ZNF254: variants seen among roughly 807,000 people sequenced by gnomAD.
The protein encoded by ZNF254 is CTD-2017D11.1.
A neutral mutation model predicts 12.4 loss-of-function variants in ZNF254; 10 were observed. That is an observed-to-expected ratio of 0.80 (90% CI 0.50 to 1.36). ZNF254 has a LOEUF of 1.36. Ranked by LOEUF, ZNF254 falls within the 40% of genes most tolerant of loss-of-function variation. The pLI is 0.00. For missense variants in ZNF254, 996 were observed against 763.9 expected, an observed-to-expected ratio of 1.30 and a Z score of -3.58; for synonymous variants, 305 against 253.4, an observed-to-expected ratio of 1.20 and a Z score of -1.93.
intron 2 of ZNF254, among the ~76,000 whole-genome samples, chr19:24,049,184 T>TTATATATATA (rs1159690517): frequency 3.8e-4 from 24 of 63,160 alleles, no homozygotes; most frequent in East Asian, 1.9e-3. Context: ...GGCTCTGGTT[T>TTATATATATA]TATATATATA....
chr19:24,049,198 A>ATTT (rs1568426332), intron 2 of ZNF254, among the ~76,000 whole-genome samples: 1 of 61,208 alleles, frequency 1.6e-5, no homozygotes, highest in African/African-American at 7.9e-5. Context: ...ATATATATAT[A>ATTT]TATATATATA....
chr19:24,108,499 G>A (rs1272510458), intron 3 of ZNF254, among the ~76,000 whole-genome samples: 10 of 152,104 alleles, frequency 6.6e-5, no homozygotes, highest in Admixed American at 6.6e-4. Flanking sequence ...TTCTTTTAAA[G>A]GCATTTATTT....
chr19:24,115,827 C>G (rs974833131), intron 3 of ZNF254, among the ~76,000 whole-genome samples: 3 of 152,258 alleles, frequency 2.0e-5, no homozygotes, highest in Middle Eastern at 3.4e-3. Flanking sequence ...TTTGCAGTGG[C>G]TGGTACCGGT....
chr19:24,033,840 C>G (rs368993556), intron 1 of ZNF254, among the ~76,000 whole-genome samples: 117 of 152,358 alleles, frequency 7.7e-4, no homozygotes, highest in African/African-American at 2.6e-3. Flanking sequence ...CTGGGCAGCT[C>G]TGCATGCAGC....
At chr19:24,086,908 C>T (rs78310782), upstream of ZNF254, among the ~76,000 whole-genome samples, 53 of 152,308 alleles carry the variant, frequency 3.5e-4, no homozygotes, top group African/African-American at 1.2e-3. Flanking sequence ...TGTTTGTTCA[C>T]ATTTTGAATA....
At chr19:24,042,996 C>T (rs919376236) in intron 1 of ZNF254, among the ~76,000 whole-genome samples, 2 of 151,928 alleles carry the variant, frequency 1.3e-5, no homozygotes, top group African/African-American at 4.8e-5. Flanking sequence ...AACTCTGTTT[C>T]TTTTTCTTTT....
intron 2 of ZNF254, chr19:24,106,301 A>G (rs188175791): frequency 5.1e-6 from 3 of 584,540 alleles, no homozygotes; most frequent in Non-Finnish European, 5.2e-6. Flanking sequence ...GTTTAGTGGC[A>G]TAAAATATTG....
upstream of ZNF254, among the ~76,000 whole-genome samples, chr19:24,085,489 C>T (rs765039533): frequency 7.7e-6 from 1 of 130,550 alleles, no homozygotes; most frequent in Non-Finnish European, 1.6e-5. Context: ...AAAGGCCAGG[C>T]GCAGTGGGTC....
chr19:24,076,028 G>T (rs1971644713), intron 2 of ZNF254, among the ~76,000 whole-genome samples: 1 of 152,198 alleles, frequency 6.6e-6, no homozygotes, highest in South Asian at 2.1e-4. Flanking sequence ...CACTGTTATT[G>T]TGTTCTTTTA....
At chr19:24,085,426 A>ATATAT (rs369443689), upstream of ZNF254, among the ~76,000 whole-genome samples, 1 of 105,650 alleles carries the variant, frequency 9.5e-6, no homozygotes, top group Non-Finnish European at 1.9e-5. Flanking sequence ...ATATATATAT[A>ATATAT]AAAACTAAGA....
intron 3 of ZNF254, among the ~76,000 whole-genome samples, chr19:24,111,200 G>C (rs1336197877): frequency 6.8e-6 from 1 of 147,364 alleles, no homozygotes; most frequent in African/African-American, 2.5e-5. Flanking sequence ...AGAATATGCA[G>C]TGTTTGGTTT....
intron 1 of ZNF254, among the ~76,000 whole-genome samples, chr19:24,102,151 T>C (rs909429044): frequency 6.6e-6 from 1 of 152,190 alleles, no homozygotes; most frequent in South Asian, 2.1e-4. Flanking sequence ...TGCAAAAATA[T>C]GGGCTTTATT....
intron 1 of ZNF254, among the ~76,000 whole-genome samples, chr19:24,045,184 C>A (rs1599579641): frequency 1.3e-5 from 2 of 152,300 alleles, no homozygotes; most frequent in South Asian, 4.1e-4. Context: ...GCAAGCTGTA[C>A]CAGCAGCTCC....
At chr19:24,075,807 C>T (rs966230292) in intron 2 of ZNF254, among the ~76,000 whole-genome samples, 3 of 152,192 alleles carry the variant, frequency 2.0e-5, no homozygotes, top group Non-Finnish European at 2.9e-5. Flanking sequence ...TGTATTTTAT[C>T]CCTTATCTTC....
intron 1 of ZNF254, among the ~76,000 whole-genome samples, chr19:24,040,188 C>T (rs575218662): frequency 2.4e-4 from 37 of 152,260 alleles, no homozygotes; most frequent in Non-Finnish European, 4.6e-4. Flanking sequence ...CCTCACAGAA[C>T]TAATTAGAAC....
intron 2 of ZNF254, among the ~76,000 whole-genome samples, chr19:24,061,765 T>C (rs1971077442): frequency 6.6e-6 from 1 of 151,784 alleles, no homozygotes; most frequent in Non-Finnish European, 1.5e-5. Context: ...AGACACTGTC[T>C]CTCACAGGTA....
chr19:24,093,395 A>G (rs946295158), intron 1 of ZNF254, among the ~76,000 whole-genome samples: 2 of 151,998 alleles, frequency 1.3e-5, no homozygotes, highest in African/African-American at 2.4e-5. Context: ...GACATTTCCT[A>G]AGTTATCTTC....
chr19:24,068,825 T>C (rs1457347965), intron 2 of ZNF254, among the ~76,000 whole-genome samples: 3 of 152,192 alleles, frequency 2.0e-5, no homozygotes, highest in Admixed American at 6.5e-5. Flanking sequence ...TCTTATACCT[T>C]GAACCAGGCA....
intron 2 of ZNF254, among the ~76,000 whole-genome samples, chr19:24,055,365 C>T (rs1279923205): frequency 2.0e-5 from 3 of 151,784 alleles, no homozygotes; most frequent in Admixed American, 6.6e-5. Flanking sequence ...CTGCAATCTC[C>T]ACCTCCGGGT....
Sources: gnomAD v4.1 joint callset for allele counts (sites outside exome capture counted in the v4.1 genomes callset) on GRCh38, gnomAD v4.1.1 for gene constraint, MANE v1.5 for transcripts, NCBI Gene and HGNC (gene_info 2026-07-23, HGNC 2026-07-21) for gene names.